IMMP2L: variants seen among roughly 807,000 people sequenced by gnomAD.
IMMP2L encodes mitochondrial inner membrane protease subunit 2.
Under a neutral mutation model 19.3 loss-of-function variants are expected in IMMP2L, and 18 were observed. The observed-to-expected ratio is 0.93, with a 90% CI of 0.64 to 1.38. The LOEUF (loss-of-function observed/expected upper bound fraction) is 1.38, where lower values mean the gene tolerates loss of function less well. IMMP2L is among the 40% of genes most tolerant of loss of function. The probability of loss-of-function intolerance (pLI) is 0.00; values close to 1 mark genes in which losing one functional copy is unlikely to be tolerated. For missense variants in IMMP2L, 233 were observed against 218.2 expected (o/e 1.07, Z -0.43); for synonymous variants, 76 against 73.0 (o/e 1.04, Z -0.21).
chr7:110,823,091 G>T (rs903008287), intron 5 of IMMP2L, among the ~76,000 whole-genome samples: 7 of 152,016 alleles, frequency 4.6e-5, no homozygotes, highest in African/African-American at 1.7e-4. Flanking sequence ...AATAAGATTT[G>T]AACAATGTTT....
chr7:111,361,619 C>A (rs1404920266), intron 3 of IMMP2L, among the ~76,000 whole-genome samples: 4 of 152,026 alleles, frequency 2.6e-5, no homozygotes, highest in Non-Finnish European at 5.9e-5. Context: ...CTATGTTGAT[C>A]CAAAGATTTC....
rs923890806 is a variant in IMMP2L at position 111,405,468 on chromosome 7, T to C, written c.239+81770A>G. Among the ~76,000 whole-genome samples, 3 of 152,282 alleles carry C rather than the reference T, an allele frequency of 2.0e-5. No homozygotes were observed. The East Asian group carries it at 5.8e-4, about 29-fold the overall frequency. On this transcript the variant is annotated intron_variant, in intron 3 of 5. Transcript: ENST00000405709. ...TCAAATCTCTAAAAAGTTATGAACATTTTATATTGTAATACACATAAATTC... is the reference window on the plus strand; with the variant it reads ...TCAAATCTCTAAAAAGTTATGAACACTTTATATTGTAATACACATAAATTC...
At chr7:110,853,882 A>G in intron 5 of IMMP2L, among the ~76,000 whole-genome samples, 1 of 152,016 alleles carries the variant, frequency 6.6e-6, no homozygotes, top group East Asian at 1.9e-4. Flanking sequence ...TCATTGGACT[A>G]TGTACTTTAA....
intron 5 of IMMP2L, among the ~76,000 whole-genome samples, chr7:110,695,793 C>T (rs768036723): frequency 2.0e-5 from 3 of 151,704 alleles, no homozygotes; most frequent in Admixed American, 6.6e-5. Context: ...CAGCCTAGTC[C>T]GACAGACCAT....
chr7:111,075,797 C>T (rs1009301508), intron 3 of IMMP2L, among the ~76,000 whole-genome samples: 2 of 152,142 alleles, frequency 1.3e-5, no homozygotes, highest in Admixed American at 6.5e-5. Context: ...CCTTAAACTC[C>T]GATCTCTCCT....
chr7:110,674,404 G>T (rs377546342), intron 5 of IMMP2L, among the ~76,000 whole-genome samples: 2 of 152,118 alleles, frequency 1.3e-5, no homozygotes, highest in Admixed American at 6.6e-5. Flanking sequence ...CTAGAGCCAG[G>T]GTCAGAAGAT....
At chr7:111,078,402 C>G (rs971025619) in intron 3 of IMMP2L, among the ~76,000 whole-genome samples, 9 of 152,142 alleles carry the variant, frequency 5.9e-5, no homozygotes, top group African/African-American at 1.9e-4. Context: ...CAATCCGGTC[C>G]ACTGATTATT....
At chr7:111,415,348 T>C (rs1193609978) in intron 3 of IMMP2L, among the ~76,000 whole-genome samples, 1 of 151,796 alleles carries the variant, frequency 6.6e-6, no homozygotes, top group Admixed American at 6.6e-5. Context: ...GATGAGATTA[T>C]AGCCCAGGGG....
intron 3 of IMMP2L, among the ~76,000 whole-genome samples, chr7:111,201,931 T>C (rs552096742): frequency 6.6e-6 from 1 of 152,282 alleles, no homozygotes; most frequent in South Asian, 2.1e-4. Flanking sequence ...GATCTTGGAC[T>C]TCCCAGTCTC....
intron 3 of IMMP2L, among the ~76,000 whole-genome samples, chr7:111,441,722 A>T (rs1343903883): frequency 3.0e-5 from 1 of 32,880 alleles, no homozygotes; most frequent in Non-Finnish European, 6.1e-5. Flanking sequence ...CAACTTGTTA[A>T]AAAAAAAAAA....
chr7:110,797,086 G>A (rs937450819), intron 5 of IMMP2L, among the ~76,000 whole-genome samples: 20 of 151,836 alleles, frequency 1.3e-4, no homozygotes, highest in Non-Finnish European at 1.5e-4. Context: ...TAAAATGCAG[G>A]ATCTATGGAA....
intron 5 of IMMP2L, among the ~76,000 whole-genome samples, chr7:110,875,912 G>A (rs1280666631): frequency 6.6e-6 from 1 of 151,980 alleles, no homozygotes; most frequent in African/African-American, 2.4e-5. Flanking sequence ...TTTCCACTGA[G>A]TACGTCCTAA....
intron 3 of IMMP2L, among the ~76,000 whole-genome samples, chr7:111,138,376 T>A (rs1802546391): frequency 6.6e-6 from 1 of 152,140 alleles, no homozygotes; most frequent in Non-Finnish European, 1.5e-5. Context: ...CTTTGTCCAA[T>A]GACGTGGCAG....
intron 1 of IMMP2L, among the ~76,000 whole-genome samples, chr7:111,523,103 G>T (rs1437536145): frequency 6.6e-6 from 1 of 151,922 alleles, no homozygotes; most frequent in African/African-American, 2.4e-5. Flanking sequence ...TAGAAGGGTA[G>T]TTACCAGAAG....
At chr7:111,024,484 C>G (rs1386871466) in intron 3 of IMMP2L, among the ~76,000 whole-genome samples, 1 of 152,194 alleles carries the variant, frequency 6.6e-6, no homozygotes, top group African/African-American at 2.4e-5. Flanking sequence ...CTTCTGTGCT[C>G]TGTCTGGTTC....
intron 3 of IMMP2L, among the ~76,000 whole-genome samples, chr7:111,146,932 G>A (rs1013431512): frequency 1.4e-4 from 22 of 151,942 alleles, no homozygotes; most frequent in South Asian, 8.3e-4. Context: ...TGTGTCATAC[G>A]TTTCTTGGCT....
At chr7:111,379,144 C>T (rs147028928) in intron 3 of IMMP2L, among the ~76,000 whole-genome samples, 1,696 of 147,198 alleles carry the variant, frequency 0.012, 35 homozygotes, top group African/African-American at 0.039. Flanking sequence ...CATTTGTACA[C>T]TGTAAGAGAA....
At position 111,321,328 on chromosome 7, in the gene IMMP2L, G is replaced by A. The variant is rs182809135; in HGVS notation, c.239+165910C>T. Among the ~76,000 whole-genome samples the A allele has an allele frequency of 2.0e-5, 3 of 151,928 alleles. No homozygotes were observed. In the East Asian group the frequency reaches 5.8e-4, roughly 29 times the overall value. On this transcript the variant is annotated intron_variant, in intron 3 of 5. Transcript: ENST00000405709. ...ATAAAAGAATTATAATCAAAATCCT[G>A]CTTCCGTATATGATTTAATCATTGC...
At chr7:111,333,772 C>T (rs1428294935) in intron 3 of IMMP2L, among the ~76,000 whole-genome samples, 1 of 152,094 alleles carries the variant, frequency 6.6e-6, no homozygotes, top group Non-Finnish European at 1.5e-5. Context: ...GTGCTGGGTC[C>T]TTCCTGCCCT....
Sources: allele counts gnomAD v4.1 joint callset (sites outside exome capture counted in the v4.1 genomes callset), GRCh38; gene constraint gnomAD v4.1.1; transcripts MANE v1.5; gene names NCBI Gene and HGNC (gene_info 2026-07-23, HGNC 2026-07-21).